The following CFAP61 variants were observed in gnomAD, a reference collection of about 807,000 sequenced individuals.
CFAP61 encodes cilia and flagella associated protein 61, also known as cilia- and flagella-associated protein 61.
In CFAP61, 107 loss-of-function variants were observed where a neutral mutation model predicts 135.6. That is an observed-to-expected ratio of 0.79 (90% confidence interval 0.67 to 0.93). CFAP61 has a LOEUF of 0.93. CFAP61 is among the 40% of genes least tolerant of loss of function. The pLI, the probability that CFAP61 is intolerant of heterozygous loss-of-function variation, is 0.00. For synonymous variants in CFAP61, 575 were observed against 578.5 expected (o/e 0.99, Z 0.09); for missense variants, 1,507 against 1,556.2 (o/e 0.97, Z 0.53).
At chr20:20,245,155 C>A (rs2050344557) in intron 18 of CFAP61, among the ~76,000 whole-genome samples, 1 of 152,254 alleles carries the variant, frequency 6.6e-6, no homozygotes, top group Non-Finnish European at 1.5e-5. Flanking sequence ...ACTGTTCCAA[C>A]CTCTGCCTGT....
At chr20:20,307,909 T>G (rs1163659744) in intron 25 of CFAP61, among the ~76,000 whole-genome samples, 2 of 152,196 alleles carry the variant, frequency 1.3e-5, no homozygotes, top group East Asian at 3.8e-4. Context: ...TTCCAACCAC[T>G]GGGCACCCAA....
chr20:20,285,932 A>C (rs1356186173), intron 22 of CFAP61, among the ~76,000 whole-genome samples: 1 of 151,618 alleles, frequency 6.6e-6, no homozygotes, highest in Non-Finnish European at 1.5e-5. Context: ...AAAAAAAAAA[A>C]AAACAAAAAC....
At chr20:20,269,887 C>G (rs2147028121) in intron 21 of CFAP61, among the ~76,000 whole-genome samples, 1 of 140,178 alleles carries the variant, frequency 7.1e-6, no homozygotes, top group East Asian at 2.0e-4. Context: ...GTCCTGGTGA[C>G]CCACCTGCTT....
chr20:20,168,796 C>T (rs2146820498), intron 12 of CFAP61, among the ~76,000 whole-genome samples: 1 of 152,282 alleles, frequency 6.6e-6, no homozygotes, highest in East Asian at 1.9e-4. Context: ...TTTAATCATG[C>T]TCATGGATCT....
chr20:20,271,428 C>T (rs572921199), intron 21 of CFAP61, among the ~76,000 whole-genome samples: 3 of 152,328 alleles, frequency 2.0e-5, no homozygotes, highest in Non-Finnish European at 2.9e-5. Flanking sequence ...CATCACTTTC[C>T]GTCTCTCTCT....
intron 9 of CFAP61, among the ~76,000 whole-genome samples, chr20:20,154,057 CAA>C (rs1198119826): frequency 6.6e-6 from 1 of 151,896 alleles, no homozygotes; most frequent in Non-Finnish European, 1.5e-5. Flanking sequence ...TTAACATATA[CAA>C]GTTAATAAAT....
At chr20:20,174,593 A>G (rs780760940) in intron 13 of CFAP61, among the ~76,000 whole-genome samples, 1 of 152,160 alleles carries the variant, frequency 6.6e-6, no homozygotes, top group Non-Finnish European at 1.5e-5. Flanking sequence ...GGAGGACAAT[A>G]TTGTTCTTCC....
intron 12 of CFAP61, among the ~76,000 whole-genome samples, chr20:20,168,617 T>A (rs2053999983): frequency 6.6e-6 from 1 of 152,244 alleles, no homozygotes. Flanking sequence ...TCCATTTTTT[T>A]AATTTAAATG....
chr20:20,229,631 G>A (rs541687470), intron 18 of CFAP61, among the ~76,000 whole-genome samples: 5 of 152,150 alleles, frequency 3.3e-5, no homozygotes, highest in South Asian at 2.1e-4. Context: ...CCTGGTTAAC[G>A]TGGAGACGAG....
intron 20 of CFAP61, among the ~76,000 whole-genome samples, chr20:20,261,469 G>C (rs1384944144): frequency 6.6e-6 from 1 of 152,116 alleles, no homozygotes; most frequent in Non-Finnish European, 1.5e-5. Context: ...CAAGCCAGTG[G>C]GTATCTGCCA....
intron 26 of CFAP61, among the ~76,000 whole-genome samples, chr20:20,351,407 C>T (rs1358205393): frequency 2.6e-5 from 4 of 151,918 alleles, no homozygotes; most frequent in African/African-American, 9.7e-5. Flanking sequence ...ATGGTGAAAC[C>T]CCATCTCTAC....
chr20:20,136,623 T>A (rs1462570008), intron 8 of CFAP61, among the ~76,000 whole-genome samples: 1 of 152,256 alleles, frequency 6.6e-6, no homozygotes, highest in African/African-American at 2.4e-5. Flanking sequence ...GTTTATCTGA[T>A]AGGATTCGAA....
intron 17 of CFAP61, among the ~76,000 whole-genome samples, chr20:20,209,866 A>G (rs1343261530): frequency 1.3e-5 from 2 of 152,138 alleles, no homozygotes; most frequent in Non-Finnish European, 2.9e-5. Context: ...CCTCACAGGA[A>G]TCCTGAGTTC....
At chr20:20,070,766 C>T in intron 2 of CFAP61, 88 bp from the exon 3 acceptor site, 1 of 1,211,068 alleles carries the variant, frequency 8.3e-7, no homozygotes, top group Non-Finnish European at 1.2e-6. Context: ...GGCTGCTGAG[C>T]TCCAGTAGCC....
chr20:20,263,636 A>G (rs2052451861), intron 21 of CFAP61, among the ~76,000 whole-genome samples: 1 of 152,208 alleles, frequency 6.6e-6, no homozygotes, highest in Admixed American at 6.5e-5. Flanking sequence ...ATCGAAATGA[A>G]AAAGGGAAAC....
intron 9 of CFAP61, among the ~76,000 whole-genome samples, chr20:20,158,335 C>T (rs1291418861): frequency 7.2e-6 from 1 of 138,232 alleles, no homozygotes; most frequent in South Asian, 2.4e-4. Flanking sequence ...TTAAATTACA[C>T]CAAGTGGACC....
chr20:20,299,066 G>A (rs2055863709), intron 25 of CFAP61, among the ~76,000 whole-genome samples: 1 of 152,210 alleles, frequency 6.6e-6, no homozygotes, highest in Admixed American at 6.5e-5. Flanking sequence ...AGAGACAGAT[G>A]TGGAATGAAA....
At chr20:20,200,028 C>T in intron 17 of CFAP61, 126 bp downstream of exon 17, 1 of 1,137,980 alleles carries the variant, frequency 8.8e-7, no homozygotes, top group Non-Finnish European at 1.3e-6. Flanking sequence ...GTGCTCATAC[C>T]CTTACAGGCG....
intron 7 of CFAP61, among the ~76,000 whole-genome samples, chr20:20,096,269 C>T (rs113835792): frequency 0.013 from 1,997 of 152,312 alleles, 29 homozygotes; most frequent in Non-Finnish European, 0.019. Context: ...AAAAAGCAGA[C>T]ACTTCCACAA....
Sources: allele counts gnomAD v4.1 joint callset (sites outside exome capture counted in the v4.1 genomes callset), GRCh38; gene constraint gnomAD v4.1.1; transcripts MANE v1.5; gene names NCBI Gene and HGNC (gene_info 2026-07-23, HGNC 2026-07-21).